Variants in NAV3 observed in about 807,000 individuals in gnomAD.
NAV3 encodes pore membrane and/or filament interacting like protein 1.
A neutral mutation model predicts 244.7 loss-of-function variants in NAV3; 87 were observed. That is an observed-to-expected ratio of 0.36 (90% CI 0.30 to 0.42). The LOEUF is 0.42. Among genes scored for constraint, NAV3 ranks in the 20% least tolerant of loss-of-function variants. The probability of loss-of-function intolerance (pLI) is 1.00; values close to 1 mark genes in which losing one functional copy is unlikely to be tolerated. For missense variants in NAV3, 2,663 were observed against 2,893.3 expected (o/e 0.92, Z 1.83); for synonymous variants, 1,126 against 1,042.2 (o/e 1.08, Z -1.55).
chr12:77,576,442 A>G (rs1398156607), intron 2 of NAV3, among the ~76,000 whole-genome samples: 1 of 152,120 alleles, frequency 6.6e-6, no homozygotes, highest in Non-Finnish European at 1.5e-5. Context: ...TGGTGTCTGC[A>G]TGTGACTGTG....
intron 3 of NAV3, among the ~76,000 whole-genome samples, chr12:77,959,026 G>A (rs1891626813): frequency 6.6e-6 from 1 of 152,106 alleles, no homozygotes; most frequent in African/African-American, 2.4e-5. Flanking sequence ...GAATTATATA[G>A]TATTATGGTC....
Position 77,966,266 on chromosome 12 carries a change from C to T in NAV3, c.452C>T (p.Ala151Val), listed in dbSNP as rs36035151. The change falls in exon 4 of 40, where the codon GCC becomes GTC. Residue 151 changes from alanine (A) to valine (V), a missense_variant. Ala to Val is a moderately conservative substitution (Grantham distance 64, BLOSUM62 0). Transcript: ENST00000397909. ...NVDVCLSFLA[A>V]RGVNVQGLSA... ...GATGTCTGCCTTAGTTTTCTAGCAG[C>T]CAGAGGGGTAAATGTTCAAGGTCTA... 299 of 1,613,266 alleles carry T rather than the reference C, an allele frequency of 1.9e-4. No homozygotes were observed. The highest frequency in any genetic ancestry group is 2.4e-4 in the Non-Finnish European group (278 of 1,179,728).
chr12:78,011,814 A>C (rs1875327487), intron 8 of NAV3, among the ~76,000 whole-genome samples: 1 of 152,186 alleles, frequency 6.6e-6, no homozygotes, highest in Non-Finnish European at 1.5e-5. Context: ...ACAGTTTTGC[A>C]TGGCTGGGGA....
chr12:78,188,722 G>C lies in NAV3; in HGVS notation c.6000G>C (p.Leu2000Phe), dbSNP rs2139854672. Residue 2000 changes from leucine to phenylalanine, a missense_variant, in exon 33 of 40, where the codon TTG (leucine) becomes TTC (phenylalanine). By Grantham distance (22) the Leu-to-Phe change is conservative. Around this residue, in one of 6 missense-constraint regions of NAV3, gnomAD observed 543 missense variants for 672.4 expected, o/e 0.81. Transcript: ENST00000397909. Reference protein sequence around the residue: ...IRSHNLEVPELLPCGYLVGDN... With the variant: ...IRSHNLEVPEFLPCGYLVGDN... ...CCCATAACCTAGAAGTGCCTGAATT[G>C]CTGCCTTGTGGATACCTTGTTGGAG... 1 of 1,612,430 alleles carries C rather than the reference G, an allele frequency of 6.2e-7. No homozygotes were observed. The highest frequency in any genetic ancestry group is 1.3e-5 in the African/African-American group (1 of 74,934).
chr12:78,064,413 G>GTCTC, intron 12 of NAV3, among the ~76,000 whole-genome samples: 1 of 140,574 alleles, frequency 7.1e-6, no homozygotes, highest in Non-Finnish European at 1.6e-5. Flanking sequence ...CTGTCTGTCT[G>GTCTC]TCTGTCTGTC....
intron 12 of NAV3, among the ~76,000 whole-genome samples, chr12:78,062,427 G>T (rs1042238438): frequency 6.6e-6 from 1 of 151,960 alleles, no homozygotes; most frequent in Non-Finnish European, 1.5e-5. Context: ...AGTTTTCTGG[G>T]GTTGTGTACA....
intron 38 of NAV3, among the ~76,000 whole-genome samples, chr12:78,203,607 T>A (rs1171416590): frequency 3.3e-5 from 5 of 152,114 alleles, no homozygotes; most frequent in African/African-American, 9.6e-5. Flanking sequence ...ATGGTGTTAA[T>A]GTCCACCATT....
intron 5 of NAV3, among the ~76,000 whole-genome samples, chr12:77,977,679 GAT>G (rs74469795): frequency 8.1e-5 from 10 of 123,644 alleles, no homozygotes; most frequent in African/African-American, 1.7e-4. Context: ...TTAGATAGGA[GAT>G]ATATATATAC....
intron 12 of NAV3, among the ~76,000 whole-genome samples, chr12:78,106,518 G>A (rs1359669168): frequency 6.6e-6 from 1 of 152,150 alleles, no homozygotes; most frequent in Non-Finnish European, 1.5e-5. Flanking sequence ...ATATAATGGT[G>A]AACAGAACAC....
chr12:77,969,178 GTGTGTGTGTATGTGTGT>G (rs1892785425), intron 5 of NAV3, among the ~76,000 whole-genome samples: 1 of 151,626 alleles, frequency 6.6e-6, no homozygotes, highest in South Asian at 2.1e-4. Flanking sequence ...GTGCATGAGT[GTGTGTGTGTATGTGTGT>G]ATGCACATAC....
At chr12:77,902,235 A>G (rs1429132756) in intron 1 of NAV3, among the ~76,000 whole-genome samples, 2 of 152,140 alleles carry the variant, frequency 1.3e-5, no homozygotes, top group Non-Finnish European at 2.9e-5. Flanking sequence ...TTCTAGACTC[A>G]TTGTTTTCAC....
At chr12:78,085,431 C>T (rs934296791) in intron 12 of NAV3, among the ~76,000 whole-genome samples, 1 of 152,132 alleles carries the variant, frequency 6.6e-6, no homozygotes, top group Non-Finnish European at 1.5e-5. Context: ...GGCCAAAACA[C>T]ATCACATGCC....
chr12:77,754,813 T>C (rs902186264), intron 2 of NAV3, among the ~76,000 whole-genome samples: 2 of 152,188 alleles, frequency 1.3e-5, no homozygotes, highest in East Asian at 3.8e-4. Flanking sequence ...TGTTTTCCTC[T>C]GCCTTGGGAT....
intron 2 of NAV3, among the ~76,000 whole-genome samples, chr12:77,607,788 T>C (rs1206348783): frequency 2.0e-5 from 3 of 152,136 alleles, no homozygotes; most frequent in Non-Finnish European, 4.4e-5. Context: ...TTCATTTGCA[T>C]GTCTTGTCTC....
intron 22 of NAV3, among the ~76,000 whole-genome samples, chr12:78,153,769 G>A (rs1475377182): frequency 1.3e-5 from 2 of 151,902 alleles, no homozygotes; most frequent in Non-Finnish European, 2.9e-5. Context: ...TGGGTATTTT[G>A]AGATTGTGTT....
chr12:77,584,432 A>T (rs76193834), intron 2 of NAV3, among the ~76,000 whole-genome samples: 10 of 150,346 alleles, frequency 6.7e-5, no homozygotes, highest in Admixed American at 1.3e-4. Context: ...CAAAAAAAAA[A>T]TTTTTTTTTT....
At chr12:78,136,967 G>A (rs1218491175) in intron 18 of NAV3, among the ~76,000 whole-genome samples, 4 of 152,104 alleles carry the variant, frequency 2.6e-5, no homozygotes, top group African/African-American at 7.2e-5. Context: ...AGAAATTGAT[G>A]TAAGGCTTCC....
chr12:77,823,382 C>G (rs1322455836), intron 2 of NAV3, among the ~76,000 whole-genome samples: 1 of 152,140 alleles, frequency 6.6e-6, no homozygotes, highest in Admixed American at 6.5e-5. Context: ...TTCTTCTAAT[C>G]TTTGACAGAG....
chr12:78,166,210 A>T (rs1378439312), intron 23 of NAV3, among the ~76,000 whole-genome samples: 6 of 151,928 alleles, frequency 3.9e-5, no homozygotes, highest in Non-Finnish European at 7.4e-5. Context: ...GAGACATTTT[A>T]CCATGGCTTT....
Sources: gnomAD v4.1 joint callset for allele counts (sites outside exome capture counted in the v4.1 genomes callset) on GRCh38, gnomAD v4.1.1 for gene constraint, gnomAD v4.1.1 regional missense constraint, MANE v1.5 for transcripts, NCBI Gene and HGNC (gene_info 2026-07-23, HGNC 2026-07-21) for gene names.